Variants in UNC5B observed in about 807,000 individuals in gnomAD.
The protein encoded by UNC5B is netrin receptor UNC5B.
Under a neutral mutation model 103.7 loss-of-function variants are expected in UNC5B, and 56 were observed. The ratio of observed to expected loss-of-function variants is 0.54; its 90% confidence interval spans 0.44 to 0.67. UNC5B has a LOEUF of 0.67. Ranked by LOEUF, UNC5B falls within the 30% of genes least tolerant of loss-of-function variation. The probability of loss-of-function intolerance (pLI) is 0.00; values close to 1 mark genes in which losing one functional copy is unlikely to be tolerated. For synonymous variants in UNC5B, 577 were observed against 542.0 expected, an observed-to-expected ratio of 1.06 and a Z score of -0.90; for missense variants, 1,194 against 1,284.5, an observed-to-expected ratio of 0.93 and a Z score of 1.08.
Position 71,291,230 on chromosome 10 carries a change from A to T in UNC5B, c.1294+121A>T, listed in dbSNP as rs1269855962. On this transcript the variant is annotated intron_variant, in intron 9 of 16. Transcript: ENST00000335350. ...CCAGGGTTTTTCCAGAGTTTGCTCT[A>T]GAGATAACTATGTGGATGGGTATGG... 66 of 1,356,056 alleles carry T rather than the reference A, an allele frequency of 4.9e-5. No homozygotes were observed. In the Admixed American group the frequency reaches 1.4e-3, roughly 30 times the overall value. 84.0% of individuals were successfully genotyped at this position (1,356,056 alleles called of 1,614,324 possible).
intron 1 of UNC5B, among the ~76,000 whole-genome samples, chr10:71,245,367 T>C (rs1408501563): frequency 1.3e-5 from 2 of 152,186 alleles, no homozygotes; most frequent in Non-Finnish European, 2.9e-5. Flanking sequence ...ACCGTGAGCC[T>C]AGCTCTGTCT....
intron 1 of UNC5B, among the ~76,000 whole-genome samples, chr10:71,234,180 T>C (rs949267063): frequency 6.6e-6 from 1 of 152,156 alleles, no homozygotes; most frequent in Non-Finnish European, 1.5e-5. Context: ...TAAGGACACT[T>C]GCCCAGGGTC....
intron 1 of UNC5B, among the ~76,000 whole-genome samples, chr10:71,259,207 T>C (rs1204356789): frequency 1.3e-5 from 2 of 152,118 alleles, no homozygotes; most frequent in East Asian, 3.8e-4. Flanking sequence ...CTGGCCAACA[T>C]GGCAAAACCC....
chr10:71,257,493 A>G (rs1002090550), intron 1 of UNC5B, among the ~76,000 whole-genome samples: 1 of 152,184 alleles, frequency 6.6e-6, no homozygotes, highest in African/African-American at 2.4e-5. Flanking sequence ...CCCATCTGTG[A>G]AATGGGCTCC....
intron 8 of UNC5B, among the ~76,000 whole-genome samples, chr10:71,290,532 G>A (rs1173349310): frequency 3.9e-4 from 59 of 152,286 alleles, no homozygotes; most frequent in Non-Finnish European, 7.4e-5. Context: ...CAGGACCTTT[G>A]GTCCTCTGGA....
intron 1 of UNC5B, among the ~76,000 whole-genome samples, chr10:71,277,243 G>C (rs1477471995): frequency 2.0e-5 from 3 of 152,252 alleles, no homozygotes; most frequent in Non-Finnish European, 4.4e-5. Context: ...GCAGGCACGT[G>C]ACATGCACCC....
chr10:71,258,720 G>C (rs765459618), intron 1 of UNC5B, among the ~76,000 whole-genome samples: 5 of 152,232 alleles, frequency 3.3e-5, no homozygotes, highest in Admixed American at 6.5e-5. Flanking sequence ...AGGAGCCAAG[G>C]GTGAGCTTGG....
chr10:71,247,624 T>G (rs1423202631), intron 1 of UNC5B, among the ~76,000 whole-genome samples: 1 of 151,852 alleles, frequency 6.6e-6, no homozygotes, highest in Admixed American at 6.6e-5. Context: ...GTTTCAGGAG[T>G]CTGAGTCTGG....
chr10:71,237,232 A>G (rs1470507973), intron 1 of UNC5B, among the ~76,000 whole-genome samples: 1 of 152,216 alleles, frequency 6.6e-6, no homozygotes, highest in Non-Finnish European at 1.5e-5. Context: ...ACTCGTGTTT[A>G]TGTGGAAAAG....
intron 1 of UNC5B, among the ~76,000 whole-genome samples, chr10:71,230,592 G>A (rs1350534580): frequency 6.6e-6 from 1 of 152,252 alleles, no homozygotes; most frequent in Admixed American, 6.5e-5. Flanking sequence ...GGGTATGTGG[G>A]CCTCCCCCCA....
At chr10:71,253,724 G>C (rs78853137) in intron 1 of UNC5B, among the ~76,000 whole-genome samples, 2,191 of 152,262 alleles carry the variant, frequency 0.014, 40 homozygotes, top group African/African-American at 0.046. Context: ...GAGTTGGGTG[G>C]GGGTGTGAGG....
At position 71,290,598 on chromosome 10, in the gene UNC5B, C is replaced by A. The variant is rs147295125; in HGVS notation, c.1100-317C>A. Among the ~76,000 whole-genome samples, 695 of 152,318 alleles carry A rather than the reference C, an allele frequency of 4.6e-3. 5 individuals carry two copies. The highest frequency in any genetic ancestry group is 0.016 in the African/African-American group (649 of 41,568). Reference sequence around the variant, plus strand: ...AGCACTCACAGGGCAAATTATGTAGCCCCAGTGACTCTGAGCCACAGACCC... The same window carrying A: ...AGCACTCACAGGGCAAATTATGTAGACCCAGTGACTCTGAGCCACAGACCC... On this transcript the variant is annotated intron_variant, in intron 8 of 16. Coordinates refer to ENST00000335350, the MANE Select transcript of UNC5B (RefSeq NM_170744.5).
chr10:71,219,939 G>A (rs1843418528), intron 1 of UNC5B, among the ~76,000 whole-genome samples: 1 of 152,222 alleles, frequency 6.6e-6, no homozygotes, highest in Non-Finnish European at 1.5e-5. Context: ...GAGAGGATGG[G>A]ATGGGGGCTA....
rs1554858437 is a variant in UNC5B, at chr10:71,213,675, A to ACTTATT, written c.79+611_79+612insCTTATT. Among the ~76,000 whole-genome samples, 3 of 133,258 alleles carry ACTTATT rather than the reference A, an allele frequency of 2.3e-5. No homozygotes were observed. The highest frequency in any genetic ancestry group is 7.4e-5 in the Admixed American group (1 of 13,466). 87.4% of individuals were successfully genotyped at this position (133,258 alleles called of 152,430 possible). On this transcript the variant is annotated intron_variant, in intron 1 of 16. Coordinates refer to ENST00000335350, the MANE Select transcript of UNC5B (RefSeq NM_170744.5). The surrounding 1 kb of genome is among the most constrained non-coding windows in gnomAD (Gnocchi z 4.1). ...ATCGCTGGGCCCGCAGGTCTGGAAG[A>ACTTATT]ATTATTATTATTATTATTATTATTA...
intron 1 of UNC5B, among the ~76,000 whole-genome samples, chr10:71,252,441 A>G (rs1209141799): frequency 1.3e-5 from 2 of 152,166 alleles, no homozygotes; most frequent in Non-Finnish European, 2.9e-5. Flanking sequence ...GCGCTTTCAA[A>G]TCTCTCATTC....
chr10:71,261,524 G>T (rs1015862066), intron 1 of UNC5B, among the ~76,000 whole-genome samples: 1 of 152,224 alleles, frequency 6.6e-6, no homozygotes, highest in Non-Finnish European at 1.5e-5. Context: ...TCCCTGAGAC[G>T]TCAGTGGAAA....
chr10:71,271,074 C>T (rs908685467), intron 1 of UNC5B, among the ~76,000 whole-genome samples: 2 of 152,120 alleles, frequency 1.3e-5, no homozygotes, highest in African/African-American at 2.4e-5. Context: ...TCCTGGATCT[C>T]GGTTTGGGAG....
chr10:71,213,028 C>G lies in UNC5B; in HGVS notation c.43C>G (p.Leu15Val). ...SGARGALLLA[L>V]LLCWDPRLSQ... is the part of the protein sequence containing the mutation. ...AGCTCGGGGCGCGCTGCTGCTGGCA[C>G]TGCTGCTCTGCTGGGACCCGAGGCT... is the stretch of plus-strand genomic sequence containing the variant. Residue 15 changes from leucine (L) to valine (V), a missense_variant, in exon 1 of 17, where the codon CTG (leucine) becomes GTG (valine). Transcript: ENST00000335350. This position sits in a 1 kb window ranked among gnomAD's most constrained non-coding sequence, Gnocchi z 4.1. The G allele has an allele frequency of 7.0e-7, 1 of 1,421,946 alleles. No individual in the cohort carries two copies. The highest frequency in any genetic ancestry group is 9.2e-7 in the Non-Finnish European group (1 of 1,081,998). 88.1% of individuals were successfully genotyped at this position (1,421,946 alleles called of 1,614,324 possible).
intron 1 of UNC5B, among the ~76,000 whole-genome samples, chr10:71,240,197 G>A (rs1843867416): frequency 6.6e-6 from 1 of 152,258 alleles, no homozygotes; most frequent in South Asian, 2.1e-4. Flanking sequence ...CCCCCCATGG[G>A]CATGCTCACT....
Sources: gnomAD v4.1 joint callset for allele counts (sites outside exome capture counted in the v4.1 genomes callset) on GRCh38, gnomAD v4.1.1 for gene constraint, Gnocchi (gnomAD v3.1) non-coding constraint, MANE v1.5 for transcripts, NCBI Gene and HGNC (gene_info 2026-07-23, HGNC 2026-07-21) for gene names.